Variants in AIG1 observed in about 807,000 individuals in gnomAD.
AIG1 encodes androgen induced 1.
In AIG1, 23 loss-of-function variants were observed where a neutral mutation model predicts 31.4. The ratio of observed to expected loss-of-function variants is 0.73; its 90% CI spans 0.53 to 1.04. AIG1 has a LOEUF of 1.04. Among genes scored for constraint, AIG1 ranks in the 50% least tolerant of loss-of-function variants. AIG1 has a pLI of 0.00. For missense variants in AIG1, 274 were observed against 295.0 expected, an observed-to-expected ratio of 0.93 and a Z score of 0.52; for synonymous variants, 100 against 110.5, an observed-to-expected ratio of 0.90 and a Z score of 0.60.
rs942683862 is a variant in AIG1, at chr6:143,280,732, T to G, written c.400-3378T>G. On this transcript the variant is annotated intron_variant, in intron 3 of 5. Transcript: ENST00000357847. The surrounding 1 kb of genome is among the most constrained non-coding windows in gnomAD (Gnocchi z 4.1). ...ACTGGGGTCTACTTGAGGGGGAGGT[T>G]GGGAGGAGGGAGAGTAGCAGAAAAG... Among the ~76,000 whole-genome samples the G allele has an allele frequency of 5.3e-5, 8 of 152,014 alleles. No individual in the cohort carries two copies. The highest frequency in any genetic ancestry group is 1.7e-4 in the African/African-American group (7 of 41,382).
rs80302032 is a variant in AIG1, at chr6:143,259,560, G to A, written c.400-24550G>A. Among the ~76,000 whole-genome samples, 1,380 of 152,200 alleles carry A rather than the reference G, an allele frequency of 9.1e-3. 15 individuals are homozygous for A. Among genetic ancestry groups the A allele is most frequent in the African/African-American group, 0.031 (1,297 of 41,492 alleles). On this transcript the variant is annotated intron_variant, in intron 3 of 5. Coordinates refer to ENST00000357847, the MANE Select transcript of AIG1 (RefSeq NM_016108.4). ...ATGTATGCCTTTCTTTTAAATGAGC[G>A]TATTCACAATTATAGCTGCATTTAT...
In AIG1 at chr6:143,333,146, G is replaced by A; in HGVS notation, c.516-136G>A. 1.3e-6 allele frequency: 1 copy of A among 792,612 alleles called. No individual in the cohort carries two copies. The highest frequency in any genetic ancestry group is 1.9e-6 in the Non-Finnish European group (1 of 531,428). 49.1% of individuals were successfully genotyped at this position (792,612 alleles called of 1,614,324 possible). ...CAACCAAGTTTCCAGTAGCTCCTGA[G>A]TATCAGAAGCGAACTTGAGACTGGC... is the stretch of plus-strand genomic sequence containing the variant. On this transcript the variant is annotated intron_variant, in intron 4 of 5. Transcript: ENST00000357847. The surrounding 1 kb of genome is among the most constrained non-coding windows in gnomAD (Gnocchi z 4.6).
At chr6:143,239,996 GC>G (rs1210963983) in intron 3 of AIG1, among the ~76,000 whole-genome samples, 1 of 152,138 alleles carries the variant, frequency 6.6e-6, no homozygotes, top group Non-Finnish European at 1.5e-5. Flanking sequence ...ATTACCTAAA[GC>G]CCATCTAAAA....
chr6:143,219,504 G>T (rs1173147973), intron 3 of AIG1, among the ~76,000 whole-genome samples: 1 of 151,994 alleles, frequency 6.6e-6, no homozygotes, highest in Non-Finnish European at 1.5e-5. Context: ...AACAAAACTG[G>T]AGTCAATTGG....
At chr6:143,196,952 G>C (rs1469345742) in intron 3 of AIG1, among the ~76,000 whole-genome samples, 1 of 152,096 alleles carries the variant, frequency 6.6e-6, no homozygotes, top group Non-Finnish European at 1.5e-5. Context: ...CTTATTTCTG[G>C]AAATATCATT....
At chr6:143,202,474 G>T (rs1221216134) in intron 3 of AIG1, among the ~76,000 whole-genome samples, 1 of 152,146 alleles carries the variant, frequency 6.6e-6, no homozygotes, top group African/African-American at 2.4e-5. Flanking sequence ...GACAGAATTT[G>T]TTAAAGATAA....
At chr6:143,086,277 TA>T (rs1778772559) in intron 1 of AIG1, among the ~76,000 whole-genome samples, 1 of 152,182 alleles carries the variant, frequency 6.6e-6, no homozygotes, top group South Asian at 2.1e-4. Context: ...GACCTTCAAT[TA>T]TCAATTATAG....
intron 1 of AIG1, among the ~76,000 whole-genome samples, chr6:143,124,695 AG>A (rs1246544330): frequency 6.6e-6 from 1 of 152,214 alleles, no homozygotes; most frequent in African/African-American, 2.4e-5. Flanking sequence ...GGGAGGTCTC[AG>A]GAAACTTACA....
intron 1 of AIG1, among the ~76,000 whole-genome samples, chr6:143,134,132 A>G (rs569821755): frequency 6.6e-6 from 1 of 152,194 alleles, no homozygotes; most frequent in Non-Finnish European, 1.5e-5. Flanking sequence ...ATTTTACACC[A>G]GTGAAATATA....
chr6:143,238,667 C>A (rs1224683401), intron 3 of AIG1, among the ~76,000 whole-genome samples: 1 of 152,172 alleles, frequency 6.6e-6, no homozygotes, highest in African/African-American at 2.4e-5. Flanking sequence ...TGGTTGGAAG[C>A]AGACACGCTA....
At chr6:143,245,538 A>G (rs1007182029) in intron 3 of AIG1, among the ~76,000 whole-genome samples, 2 of 152,198 alleles carry the variant, frequency 1.3e-5, no homozygotes, top group African/African-American at 2.4e-5. Flanking sequence ...AATCCAATCA[A>G]GAATAAATAT....
intron 4 of AIG1, among the ~76,000 whole-genome samples, chr6:143,305,042 A>G (rs1294043596): frequency 6.6e-6 from 1 of 152,098 alleles, no homozygotes; most frequent in Non-Finnish European, 1.5e-5. Flanking sequence ...CTCTGATGGT[A>G]GTTTGTGTTT....
chr6:143,082,256 T>A (rs1778328372), intron 1 of AIG1, among the ~76,000 whole-genome samples: 1 of 152,230 alleles, frequency 6.6e-6, no homozygotes, highest in Non-Finnish European at 1.5e-5. Context: ...TATTCCATTA[T>A]CACTGAACAC....
intron 3 of AIG1, among the ~76,000 whole-genome samples, chr6:143,236,326 G>A (rs867733731): frequency 6.6e-5 from 10 of 152,160 alleles, no homozygotes; most frequent in Non-Finnish European, 5.9e-5. Context: ...TGCCTCATTC[G>A]GACTCCGAGT....
chr6:143,147,333 G>C (rs1370106081), intron 2 of AIG1, among the ~76,000 whole-genome samples: 2 of 152,044 alleles, frequency 1.3e-5, no homozygotes, highest in Non-Finnish European at 2.9e-5. Context: ...TGTGAAATAA[G>C]AAAAAATCCT....
chr6:143,187,469 A>G, intron 3 of AIG1: 2 of 1,535,546 alleles, frequency 1.3e-6, no homozygotes, highest in South Asian at 1.2e-5. Flanking sequence ...GGCACTCGAC[A>G]CTCTGCTCAA....
chr6:143,214,219 T>G lies in AIG1; in HGVS notation c.399+49036T>G, dbSNP rs144069233. ...GCAGATAGTCCTGCCTGGACTGAATTTAGGGTGACCAGTCGAGTCTGGAAT... is the reference window on the plus strand; with the variant it reads ...GCAGATAGTCCTGCCTGGACTGAATGTAGGGTGACCAGTCGAGTCTGGAAT... On this transcript the variant is annotated intron_variant, in intron 3 of 5. Transcript: ENST00000357847. 6.0e-4 allele frequency among the ~76,000 whole-genome samples: 92 copies of G among 152,316 alleles called. 1 individual carries two copies. Among genetic ancestry groups the G allele is most frequent in the African/African-American group, 2.0e-3 (84 of 41,572 alleles).
downstream of AIG1, among the ~76,000 whole-genome samples, chr6:143,343,643 G>A (rs1195729336): frequency 6.6e-6 from 1 of 152,124 alleles, no homozygotes; most frequent in Non-Finnish European, 1.5e-5. Flanking sequence ...TGCAAGGATA[G>A]CAGAATGCCC....
intron 1 of AIG1, among the ~76,000 whole-genome samples, chr6:143,064,460 C>T (rs1330057752): frequency 6.6e-6 from 1 of 152,144 alleles, no homozygotes; most frequent in Non-Finnish European, 1.5e-5. Flanking sequence ...GGAACACATA[C>T]CTGCTGACAG....
Sources: gnomAD v4.1 joint callset for allele counts (sites outside exome capture counted in the v4.1 genomes callset) on GRCh38, gnomAD v4.1.1 for gene constraint, Gnocchi (gnomAD v3.1) non-coding constraint, MANE v1.5 for transcripts, NCBI Gene and HGNC (gene_info 2026-07-23, HGNC 2026-07-21) for gene names.